The following GRAMD1B variants were observed in gnomAD, a reference collection of about 807,000 sequenced individuals.
GRAMD1B encodes the protein GRAM domain containing 1B.
GRAMD1B carries 37 observed loss-of-function variants against 99.7 expected under a neutral mutation model. The ratio of observed to expected loss-of-function variants is 0.37; its 90% CI spans 0.29 to 0.49. GRAMD1B has a LOEUF of 0.49. Ranked by LOEUF, GRAMD1B falls within the 20% of genes least tolerant of loss-of-function variation. The probability of loss-of-function intolerance (pLI) is 0.98; values close to 1 mark genes in which losing one functional copy is unlikely to be tolerated. For missense variants in GRAMD1B, 888 were observed against 1,009.2 expected (o/e 0.88, Z 1.63); for synonymous variants, 427 against 387.6 (o/e 1.10, Z -1.19).
intron 2 of GRAMD1B, among the ~76,000 whole-genome samples, chr11:123,536,574 TA>T: frequency 6.6e-6 from 1 of 152,258 alleles, no homozygotes; most frequent in Non-Finnish European, 1.5e-5. Context: ...GCTGCCCCTA[TA>T]TTTTTTTTGT....
intron 1 of GRAMD1B, among the ~76,000 whole-genome samples, chr11:123,370,999 A>G (rs892531493): frequency 6.6e-6 from 1 of 151,868 alleles, no homozygotes; most frequent in Non-Finnish European, 1.5e-5. Flanking sequence ...GAACGATGAG[A>G]TAGAAGAAGA....
At chr11:123,513,583 TTCCTTC>T in intron 2 of GRAMD1B, among the ~76,000 whole-genome samples, 2 of 68,976 alleles carry the variant, frequency 2.9e-5, no homozygotes, top group African/African-American at 1.4e-4. Flanking sequence ...CTTCCTTTCC[TTCCTTC>T]CTTCCTTCCT....
intron 4 of GRAMD1B, among the ~76,000 whole-genome samples, chr11:123,586,542 C>T (rs1950094384): frequency 1.3e-5 from 2 of 152,194 alleles, no homozygotes; most frequent in Admixed American, 6.5e-5. Context: ...TCTGGGGGTC[C>T]GCCCTCGGGT....
Position 123,622,607 on chromosome 11 carries a change from C to G in GRAMD1B, c.*12C>G. 1 of 1,476,240 alleles carries G rather than the reference C, an allele frequency of 6.8e-7. No homozygotes were observed. 91.4% of individuals were successfully genotyped at this position (1,476,240 alleles called of 1,614,324 possible). A position where few individuals can be genotyped will look rare whatever the true frequency, so the allele number is the denominator to read the frequency against. The stretch of plus-strand genomic sequence containing the variant: ...ATCGCTATCATTGACAAGGCAGGAA[C>G]AGGGTGGCTGCAAGAGGCCTGTGCA... On this transcript the variant is annotated 3_prime_UTR_variant, in exon 20 of 20. Coordinates refer to ENST00000635736, the MANE Select transcript of GRAMD1B (RefSeq NM_001387025.1).
Position 123,608,677 on chromosome 11 carries a change from A to G in GRAMD1B, c.1532A>G (p.Tyr511Cys), listed in dbSNP as rs373699394. Residue 511 changes from tyrosine (Y) to cysteine (C), a missense_variant, in exon 12 of 20, where the codon TAT (tyrosine) becomes TGT (cysteine). Physicochemically the swap from Tyr to Cys is radical, Grantham distance 194. Coordinates refer to ENST00000635736, the MANE Select transcript of GRAMD1B (RefSeq NM_001387025.1). ...THDEGEVQAF[Y>C]EDLSGRQYVN... ...TGTGCAGGAGAGGTCCAGGCCTTCT[A>G]TGAGGACCTGAGTGGCCGGCAGTAC... The G allele has an allele frequency of 1.5e-5, 24 of 1,575,278 alleles. No homozygotes were observed. Among genetic ancestry groups the G allele is most frequent in the South Asian group, 4.7e-5 (4 of 85,572 alleles).
chr11:123,518,908 AG>A (rs1941931077), intron 2 of GRAMD1B, among the ~76,000 whole-genome samples: 2 of 152,170 alleles, frequency 1.3e-5, no homozygotes, highest in Non-Finnish European at 2.9e-5. Flanking sequence ...ATTGTGAAAG[AG>A]GGGCAAAGAA....
intron 4 of GRAMD1B, among the ~76,000 whole-genome samples, chr11:123,585,693 C>A (rs1193107850): frequency 6.6e-6 from 1 of 152,088 alleles, no homozygotes; most frequent in Non-Finnish European, 1.5e-5. Flanking sequence ...TCATGGGGAC[C>A]CCAGCATCCT....
intron 2 of GRAMD1B, among the ~76,000 whole-genome samples, chr11:123,537,010 AC>A (rs1397132536): frequency 6.6e-6 from 1 of 152,124 alleles, no homozygotes; most frequent in Non-Finnish European, 1.5e-5. Context: ...AGTGTACAAG[AC>A]CTTTAATATT....
intron 2 of GRAMD1B, among the ~76,000 whole-genome samples, chr11:123,544,505 C>T (rs1944871882): frequency 6.6e-6 from 1 of 152,222 alleles, no homozygotes; most frequent in Admixed American, 6.5e-5. Context: ...GGAGCATTCA[C>T]TCCTTGGCCA....
intron 2 of GRAMD1B, among the ~76,000 whole-genome samples, chr11:123,556,552 A>T (rs886330220): frequency 3.3e-5 from 5 of 152,194 alleles, no homozygotes; most frequent in Admixed American, 2.0e-4. Context: ...TGGTCTCTGG[A>T]AAGTGCTTTT....
At chr11:123,434,712 T>C (rs1892966) in intron 1 of GRAMD1B, among the ~76,000 whole-genome samples, 128,551 of 151,796 alleles carry the variant, frequency 0.85, 55,641 homozygotes, top group East Asian at 1. Context: ...TGCTTGAACT[T>C]TGTGGGCAAA....
At chr11:123,442,554 G>T (rs561277352) in intron 1 of GRAMD1B, among the ~76,000 whole-genome samples, 35 of 152,324 alleles carry the variant, frequency 2.3e-4, no homozygotes, top group African/African-American at 8.2e-4. Flanking sequence ...AGGATCACTT[G>T]AGGTCCAGAG....
intron 1 of GRAMD1B, among the ~76,000 whole-genome samples, chr11:123,467,137 A>G (rs1463377657): frequency 6.6e-6 from 1 of 152,192 alleles, no homozygotes; most frequent in African/African-American, 2.4e-5. Context: ...TTTCCTAGCC[A>G]GAGCTTCATG....
chr11:123,431,478 T>C (rs948003), intron 1 of GRAMD1B, among the ~76,000 whole-genome samples: 72,755 of 152,140 alleles, frequency 0.48, 18,527 homozygotes, highest in East Asian at 0.81. Flanking sequence ...TAATAGTTAT[T>C]GAGCCCTTAC....
intron 2 of GRAMD1B, among the ~76,000 whole-genome samples, chr11:123,569,029 G>A (rs1947748555): frequency 1.3e-5 from 2 of 152,186 alleles, no homozygotes; most frequent in African/African-American, 2.4e-5. Context: ...GAGGCACTGA[G>A]ATTGGCACTG....
chr11:123,559,788 G>C, intron 2 of GRAMD1B: 1 of 555,570 alleles, frequency 1.8e-6, no homozygotes, highest in African/African-American at 2.0e-5. Context: ...CTACACTGAA[G>C]AGGCCCTCGG....
intron 2 of GRAMD1B, chr11:123,560,718 G>A (rs1946665004): frequency 2.7e-5 from 12 of 448,814 alleles, no homozygotes; most frequent in South Asian, 1.9e-4. Context: ...GTGTGTGTGT[G>A]TGTGTGTGTG....
Position 123,613,589 on chromosome 11 carries a change from G to A in GRAMD1B, c.2158G>A (p.Glu720Lys). ...TGCCCACCTGCGAGTCCCTCACCTG[G>A]AAGAGGTGATGAGCCCGGTCACCAC... ...PHAHLRVPHL[E>K]EVMSPVTTPT... Residue 720 changes from glutamate to lysine, a missense_variant, in exon 16 of 20, where the codon GAA (glutamate) becomes AAA (lysine). Around this residue, in one of 5 missense-constraint regions of GRAMD1B, gnomAD observed 232 missense variants for 261.7 expected, o/e 0.89. Coordinates refer to ENST00000635736, the MANE Select transcript of GRAMD1B (RefSeq NM_001387025.1). The A allele has an allele frequency of 1.2e-6, 2 of 1,613,698 alleles. No homozygotes were observed. Among genetic ancestry groups the A allele is most frequent in the Non-Finnish European group, 1.7e-6 (2 of 1,179,654 alleles).
At chr11:123,429,733 T>C (rs1948781143), upstream of GRAMD1B, among the ~76,000 whole-genome samples, 1 of 152,166 alleles carries the variant, frequency 6.6e-6, no homozygotes, top group Non-Finnish European at 1.5e-5. This position sits in a 1 kb window ranked among gnomAD's most constrained non-coding sequence, Gnocchi z 4.0. Context: ...ATGTCATGTC[T>C]GGTATCCTCA....
Sources: allele counts gnomAD v4.1 joint callset (sites outside exome capture counted in the v4.1 genomes callset), GRCh38; gene constraint gnomAD v4.1.1; regional missense constraint gnomAD v4.1.1; non-coding constraint Gnocchi (gnomAD v3.1); transcripts MANE v1.5; gene names NCBI Gene and HGNC (gene_info 2026-07-23, HGNC 2026-07-21).